The following CNTN4 variants were observed in gnomAD, a reference collection of about 807,000 sequenced individuals.
CNTN4 encodes the protein contactin-4.
CNTN4 carries 77 observed loss-of-function variants against 122.5 expected under a neutral mutation model. The observed-to-expected ratio is 0.63, with a 90% CI of 0.52 to 0.76. The LOEUF (loss-of-function observed/expected upper bound fraction) is 0.76. CNTN4 is among the 30% of genes least tolerant of loss of function. CNTN4 has a pLI of 0.00. For missense variants in CNTN4, 1,256 were observed against 1,259.1 expected (o/e 1.00, Z 0.04); for synonymous variants, 512 against 447.0 (o/e 1.15, Z -1.83).
At chr3:2,875,938 C>G (rs9882169) in intron 8 of CNTN4, among the ~76,000 whole-genome samples, 78,529 of 152,052 alleles carry the variant, frequency 0.52, 20,814 homozygotes, top group East Asian at 0.91. Context: ...TTCAGGAAAA[C>G]CAGTACCGTC....
chr3:2,128,731 C>A (rs1398466406), intron 2 of CNTN4, among the ~76,000 whole-genome samples: 4 of 152,176 alleles, frequency 2.6e-5, no homozygotes, highest in Non-Finnish European at 5.9e-5. Context: ...TTACATGAAA[C>A]AATTTCAAGC....
chr3:2,183,661 TAAA>T (rs1473598592), intron 2 of CNTN4, among the ~76,000 whole-genome samples: 3 of 152,182 alleles, frequency 2.0e-5, no homozygotes, highest in Non-Finnish European at 2.9e-5. Flanking sequence ...TGACCTCAAA[TAAA>T]TTAAGAATTT....
chr3:2,945,810 G>A (rs934462893), intron 13 of CNTN4, among the ~76,000 whole-genome samples: 3 of 152,140 alleles, frequency 2.0e-5, no homozygotes, highest in Non-Finnish European at 4.4e-5. Context: ...TTGCCTAGAG[G>A]ATAGATTTGT....
chr3:2,576,746 C>T (rs1174600683), intron 4 of CNTN4, among the ~76,000 whole-genome samples: 1 of 152,022 alleles, frequency 6.6e-6, no homozygotes, highest in African/African-American at 2.4e-5. Flanking sequence ...CGGGGTTTTG[C>T]CATGTGGGCC....
At chr3:2,959,434 T>C (rs571478056) in intron 13 of CNTN4, among the ~76,000 whole-genome samples, 1 of 152,214 alleles carries the variant, frequency 6.6e-6, no homozygotes, top group East Asian at 1.9e-4. Context: ...TCTCCACAGG[T>C]ATTTATGAGT....
intron 6 of CNTN4, among the ~76,000 whole-genome samples, chr3:2,796,727 C>T (rs747251489): frequency 4.6e-5 from 7 of 152,158 alleles, no homozygotes; most frequent in Admixed American, 6.6e-5. Context: ...ACATAAGATC[C>T]GGTGTTCTTT....
chr3:2,850,991 A>G (rs936057008), intron 7 of CNTN4, among the ~76,000 whole-genome samples: 9 of 152,350 alleles, frequency 5.9e-5, no homozygotes, highest in African/African-American at 1.7e-4. Context: ...AGCTGTATCA[A>G]TTATTGAACA....
intron 4 of CNTN4, among the ~76,000 whole-genome samples, chr3:2,696,014 A>C (rs1430684521): frequency 6.6e-6 from 1 of 152,180 alleles, no homozygotes; most frequent in Non-Finnish European, 1.5e-5. Flanking sequence ...GTATGTATAT[A>C]CACATGTATG....
chr3:2,556,422 A>T (rs2078722866), intron 3 of CNTN4, among the ~76,000 whole-genome samples: 1 of 152,198 alleles, frequency 6.6e-6, no homozygotes, highest in South Asian at 2.1e-4. Flanking sequence ...CTCAATCAGG[A>T]TGCAGCATAG....
intron 2 of CNTN4, among the ~76,000 whole-genome samples, chr3:2,186,862 C>G (rs916816933): frequency 6.6e-6 from 1 of 151,998 alleles, no homozygotes; most frequent in African/African-American, 2.4e-5. Context: ...AAATTTTTCT[C>G]CCATTCTGTA....
intron 14 of CNTN4, among the ~76,000 whole-genome samples, chr3:3,022,528 A>G (rs1004800576): frequency 5.3e-5 from 8 of 152,232 alleles, no homozygotes; most frequent in Middle Eastern, 3.2e-3. Context: ...CAGCAGTGAA[A>G]GTGAGAATGT....
At chr3:2,866,633 C>T (rs1255160486) in intron 7 of CNTN4, 119 bp from the exon 8 acceptor site, 2 of 1,203,710 alleles carry the variant, frequency 1.7e-6, no homozygotes, top group Admixed American at 3.6e-5. Flanking sequence ...ATTTAGTGGG[C>T]TGAAAAAGAG....
chr3:2,184,992 A>G (rs577500214), intron 2 of CNTN4, among the ~76,000 whole-genome samples: 82 of 152,252 alleles, frequency 5.4e-4, no homozygotes, highest in African/African-American at 1.8e-3. Context: ...AGTGGTCTAC[A>G]ATCACAGGGT....
At chr3:2,384,860 C>G (rs527305644) in intron 3 of CNTN4, among the ~76,000 whole-genome samples, 3 of 151,842 alleles carry the variant, frequency 2.0e-5, no homozygotes, top group African/African-American at 7.3e-5. Context: ...TTTTTTTAAC[C>G]TATTTTTGCA....
At chr3:3,022,618 A>G (rs1366589691) in intron 14 of CNTN4, among the ~76,000 whole-genome samples, 2 of 152,232 alleles carry the variant, frequency 1.3e-5, no homozygotes, top group East Asian at 3.8e-4. Flanking sequence ...ATTATTAAAA[A>G]TAATGGTTAA....
At chr3:2,496,600 T>C (rs747019478) in intron 3 of CNTN4, among the ~76,000 whole-genome samples, 28 of 152,038 alleles carry the variant, frequency 1.8e-4, no homozygotes, top group Non-Finnish European at 3.5e-4. Flanking sequence ...TGATGGGTGG[T>C]TGGAAAGCAG....
intron 7 of CNTN4, among the ~76,000 whole-genome samples, chr3:2,860,276 C>T (rs2093658440): frequency 1.3e-5 from 2 of 152,176 alleles, no homozygotes; most frequent in South Asian, 4.1e-4. Context: ...AAACACTGTA[C>T]TGAGAATGAT....
chr3:2,997,218 C>T lies in CNTN4; in HGVS notation c.1486+8746C>T, dbSNP rs192179595. Among the ~76,000 whole-genome samples the T allele has an allele frequency of 2.1e-3, 314 of 152,340 alleles. 2 individuals carry two copies. The highest frequency in any genetic ancestry group is 7.2e-3 in the African/African-American group (299 of 41,582). ...ACTTAGGCACTTTTACCTTCTGTCT[C>T]TAAACATCTGAACTTCCTGTGGCTT... On this transcript the variant is annotated intron_variant, in intron 14 of 24. Transcript: ENST00000418658.
At chr3:2,374,748 G>T (rs988182038) in intron 3 of CNTN4, among the ~76,000 whole-genome samples, 1 of 152,082 alleles carries the variant, frequency 6.6e-6, no homozygotes, top group Non-Finnish European at 1.5e-5. Context: ...AAAAAGTATT[G>T]AATTCCAAAA....
Sources: allele counts gnomAD v4.1 joint callset (sites outside exome capture counted in the v4.1 genomes callset), GRCh38; gene constraint gnomAD v4.1.1; transcripts MANE v1.5; gene names NCBI Gene and HGNC (gene_info 2026-07-23, HGNC 2026-07-21).